The following STK32A variants were observed in gnomAD, a reference collection of about 807,000 sequenced individuals.
STK32A encodes serine/threonine-protein kinase 32A.
A neutral mutation model predicts 53.2 loss-of-function variants in STK32A; 41 were observed. The observed-to-expected ratio is 0.77, with a 90% CI of 0.60 to 1.00. The LOEUF (loss-of-function observed/expected upper bound fraction) is 1.00, where lower values mean the gene tolerates loss of function less well. Ranked by LOEUF, STK32A falls within the 50% of genes least tolerant of loss-of-function variation. STK32A has a pLI of 0.00. For synonymous variants in STK32A, 166 were observed against 162.8 expected, an observed-to-expected ratio of 1.02 and a Z score of -0.15; for missense variants, 458 against 485.8, an observed-to-expected ratio of 0.94 and a Z score of 0.54.
chr5:147,306,443 A>T (rs1753412702), intron 4 of STK32A, among the ~76,000 whole-genome samples: 1 of 151,926 alleles, frequency 6.6e-6, no homozygotes, highest in Non-Finnish European at 1.5e-5. Context: ...TTTTCAGAAG[A>T]TATGTGGCAA....
chr5:147,288,093 T>C (rs1472915124), intron 4 of STK32A, among the ~76,000 whole-genome samples: 1 of 152,186 alleles, frequency 6.6e-6, no homozygotes, highest in Non-Finnish European at 1.5e-5. Flanking sequence ...ACATGACATA[T>C]AACCTATTCT....
At chr5:147,287,654 C>A (rs1213965712) in intron 4 of STK32A, among the ~76,000 whole-genome samples, 2 of 152,076 alleles carry the variant, frequency 1.3e-5, no homozygotes, top group African/African-American at 4.8e-5. Context: ...TGTATTTAAT[C>A]AGTATCTTAG....
intron 11 of STK32A, among the ~76,000 whole-genome samples, chr5:147,377,170 TATCTC>T (rs1175216591): frequency 1.3e-5 from 2 of 152,212 alleles, no homozygotes; most frequent in African/African-American, 4.8e-5. Flanking sequence ...TATATTCTGA[TATCTC>T]ATGTGATTTC....
chr5:147,294,317 A>G (rs865990782), intron 4 of STK32A, among the ~76,000 whole-genome samples: 45 of 152,160 alleles, frequency 3.0e-4, no homozygotes, highest in Non-Finnish European at 2.4e-4. Flanking sequence ...CCTGGAGTGC[A>G]GTGGCATGAT....
Position 147,370,619 on chromosome 5 carries a change from A to G in STK32A, c.661-35A>G, listed in dbSNP as rs187250629. ...AAATTTTTTTTTTCTTTTGTCCTAT[A>G]CAAATGAAGACTTTTACTTCTTTTC... On this transcript the variant is annotated intron_variant, in intron 8 of 12. Coordinates refer to ENST00000397936, the MANE Select transcript of STK32A (RefSeq NM_001112724.2). 1.4e-3 allele frequency: 2,062 copies of G among 1,433,870 alleles called. 4 individuals are homozygous for G. The highest frequency in any genetic ancestry group is 1.8e-3 in the Non-Finnish European group (1,899 of 1,030,148). 88.8% of individuals were successfully genotyped at this position (1,433,870 alleles called of 1,614,324 possible).
chr5:147,332,218 A>G (rs1754904407), intron 5 of STK32A, among the ~76,000 whole-genome samples: 1 of 152,190 alleles, frequency 6.6e-6, no homozygotes, highest in Admixed American at 6.5e-5. Flanking sequence ...AATTAAACTA[A>G]ACCAAGAGAA....
At chr5:147,358,207 C>T (rs938827762) in intron 7 of STK32A, among the ~76,000 whole-genome samples, 4 of 151,958 alleles carry the variant, frequency 2.6e-5, no homozygotes, top group African/African-American at 9.7e-5. Flanking sequence ...TATTAGTAAA[C>T]AAGACAATGC....
chr5:147,344,479 C>A (rs1377400860), intron 6 of STK32A, among the ~76,000 whole-genome samples: 3 of 152,162 alleles, frequency 2.0e-5, no homozygotes, highest in Non-Finnish European at 4.4e-5. Context: ...CTTTAAAATA[C>A]CAGCTATCCA....
At chr5:147,299,355 G>A (rs1160001609) in intron 4 of STK32A, among the ~76,000 whole-genome samples, 2 of 152,010 alleles carry the variant, frequency 1.3e-5, no homozygotes, top group Non-Finnish European at 2.9e-5. Context: ...CTTCTTTGCC[G>A]CAACTTGTTT....
At chr5:147,381,571 A>T (rs935638699) in intron 11 of STK32A, among the ~76,000 whole-genome samples, 1 of 151,832 alleles carries the variant, frequency 6.6e-6, no homozygotes, top group Admixed American at 6.6e-5. Context: ...TGAACCCAAG[A>T]GGAGGAGGTT....
At chr5:147,269,008 G>T (rs1332681460) in intron 2 of STK32A, among the ~76,000 whole-genome samples, 1 of 152,136 alleles carries the variant, frequency 6.6e-6, no homozygotes, top group Non-Finnish European at 1.5e-5. Flanking sequence ...AACAGTGTTG[G>T]AGGGCAGCTG....
chr5:147,391,806 T>C (rs1007343752), downstream of STK32A: 1 of 152,178 alleles, frequency 6.6e-6, no homozygotes, highest in African/African-American at 2.4e-5. Context: ...CCAAGGGCAT[T>C]TGGGGGTTGT....
At chr5:147,323,322 GC>G (rs1349550424) in intron 4 of STK32A, among the ~76,000 whole-genome samples, 7 of 152,182 alleles carry the variant, frequency 4.6e-5, no homozygotes, top group African/African-American at 1.4e-4. Context: ...CTCCTGAGAA[GC>G]TTTCCTTTAC....
chr5:147,261,120 A>T (rs1028856875), intron 2 of STK32A, among the ~76,000 whole-genome samples: 5 of 152,036 alleles, frequency 3.3e-5, no homozygotes, highest in African/African-American at 1.2e-4. Context: ...CCACAAGGGG[A>T]CGGGGTGCAC....
At chr5:147,371,502 G>A (rs1355370794) in intron 9 of STK32A, among the ~76,000 whole-genome samples, 1 of 151,854 alleles carries the variant, frequency 6.6e-6, no homozygotes, top group Non-Finnish European at 1.5e-5. Flanking sequence ...CTTTGCACAT[G>A]CCAGTACCTA....
At chr5:147,360,511 A>G (rs1477720669) in intron 7 of STK32A, among the ~76,000 whole-genome samples, 1 of 151,816 alleles carries the variant, frequency 6.6e-6, no homozygotes, top group Non-Finnish European at 1.5e-5. Context: ...AAAGGAAAAG[A>G]AAAGGGAAAG....
chr5:147,258,729 C>A (rs1431624692), intron 2 of STK32A, among the ~76,000 whole-genome samples: 1 of 151,908 alleles, frequency 6.6e-6, no homozygotes, highest in African/African-American at 2.4e-5. Flanking sequence ...AAGCCAACTT[C>A]CTTTATGTCT....
At chr5:147,312,560 C>T (rs1753755425) in intron 4 of STK32A, among the ~76,000 whole-genome samples, 3 of 152,224 alleles carry the variant, frequency 2.0e-5, no homozygotes, top group East Asian at 1.9e-4. Flanking sequence ...AGAGTGGGTG[C>T]GATCACTTAT....
chr5:147,250,274 T>C (rs1194947300), intron 2 of STK32A, among the ~76,000 whole-genome samples: 1 of 151,998 alleles, frequency 6.6e-6, no homozygotes, highest in African/African-American at 2.4e-5. Flanking sequence ...GGAGCTGGAG[T>C]AGAGTATCCA....
Sources: gnomAD v4.1 joint callset for allele counts (sites outside exome capture counted in the v4.1 genomes callset) on GRCh38, gnomAD v4.1.1 for gene constraint, MANE v1.5 for transcripts, NCBI Gene and HGNC (gene_info 2026-07-23, HGNC 2026-07-21) for gene names.